The following FXR1 variants were observed in gnomAD, a reference collection of about 807,000 sequenced individuals.
The protein encoded by FXR1 is RNA-binding protein FXR1.
A neutral mutation model predicts 84.0 loss-of-function variants in FXR1; 15 were observed. The observed-to-expected ratio is 0.18, with a 90% CI of 0.12 to 0.27. The LOEUF is 0.27. Ranked by LOEUF, FXR1 falls within the 10% of genes least tolerant of loss-of-function variation. The probability of loss-of-function intolerance (pLI) is 1.00; values close to 1 mark genes in which losing one functional copy is unlikely to be tolerated. For missense variants in FXR1, 480 were observed against 774.4 expected, an observed-to-expected ratio of 0.62 and a Z score of 4.51; for synonymous variants, 245 against 250.7, an observed-to-expected ratio of 0.98 and a Z score of 0.21.
intron 10 of FXR1, among the ~76,000 whole-genome samples, chr3:180,958,227 A>G (rs1439328505): frequency 6.6e-6 from 1 of 152,044 alleles, no homozygotes. Context: ...AGAACTTGAT[A>G]CTCCAAAAGG....
chr3:180,937,686 T>G (rs1682513072), intron 3 of FXR1, among the ~76,000 whole-genome samples: 1 of 152,100 alleles, frequency 6.6e-6, no homozygotes, highest in Non-Finnish European at 1.5e-5. Context: ...TAGGATTTTG[T>G]TTTTTTGTCA....
rs1253257210 is a variant in FXR1, at chr3:180,977,280, T to C, written c.*988T>C. ...ATTTATACTTGCTCATAAATAGCAT[T>C]AAAATGTCAGTTGGCCATTTAATCA... On this transcript the variant is annotated 3_prime_UTR_variant, in exon 17 of 17. Coordinates refer to ENST00000357559, the MANE Select transcript of FXR1 (RefSeq NM_005087.4). 2 of 152,514 alleles carry C rather than the reference T, an allele frequency of 1.3e-5. No homozygotes were observed. Among genetic ancestry groups the C allele is most frequent in the Non-Finnish European group, 2.9e-5 (2 of 67,988 alleles). The allele number at this position is 152,514 out of a possible 1,614,324, so 9.4% of individuals were successfully genotyped here. A position where few individuals can be genotyped will look rare whatever the true frequency, so the allele number is the denominator to read the frequency against.
At chr3:180,941,219 CTTA>C (rs966944956) in intron 3 of FXR1, among the ~76,000 whole-genome samples, 3 of 150,550 alleles carry the variant, frequency 2.0e-5, no homozygotes, top group African/African-American at 7.3e-5. Flanking sequence ...GAGACAGGGT[CTTA>C]CTCTGTCACC....
intron 6 of FXR1, among the ~76,000 whole-genome samples, 200 bp downstream of exon 6, chr3:180,949,014 C>T (rs1047924426): frequency 3.9e-5 from 6 of 152,010 alleles, no homozygotes; most frequent in African/African-American, 7.3e-5. Flanking sequence ...TGTGAGATTC[C>T]GGATTTTTCC....
At chr3:180,961,369 G>GAAA (rs1712089183) in intron 10 of FXR1, 99 bp from the exon 11 acceptor site, 3 of 76,968 alleles carry the variant, frequency 3.9e-5, no homozygotes, top group Admixed American at 3.7e-4. Flanking sequence ...AAAAAAAAAG[G>GAAA]TGTGTGTGTG....
chr3:180,944,747 C>T (rs1036483753), intron 3 of FXR1, among the ~76,000 whole-genome samples: 2 of 152,192 alleles, frequency 1.3e-5, no homozygotes, highest in Non-Finnish European at 2.9e-5. Context: ...CCCAGGCCCC[C>T]AAGTAGCTGA....
intron 1 of FXR1, chr3:180,927,803 T>C (rs967611574): frequency 1.1e-4 from 46 of 429,280 alleles, no homozygotes; most frequent in Non-Finnish European, 1.7e-4. Flanking sequence ...AATTACATTT[T>C]TTCCTGTGAA....
chr3:180,938,969 C>A (rs1720830298), intron 3 of FXR1, among the ~76,000 whole-genome samples: 1 of 151,902 alleles, frequency 6.6e-6, no homozygotes, highest in Non-Finnish European at 1.5e-5. Context: ...AATCTCAGTT[C>A]ACTGCAACCT....
At chr3:180,925,328 C>G (rs1338109222) in intron 1 of FXR1, among the ~76,000 whole-genome samples, 2 of 151,568 alleles carry the variant, frequency 1.3e-5, no homozygotes, top group Non-Finnish European at 2.9e-5. Flanking sequence ...CCATTGCACT[C>G]CGGCCTGGGC....
chr3:180,959,784 A>G (rs1409573928), intron 10 of FXR1, among the ~76,000 whole-genome samples: 2 of 152,126 alleles, frequency 1.3e-5, no homozygotes, highest in African/African-American at 4.8e-5. Context: ...GACTTCTTCA[A>G]AGCCACTGTG....
At chr3:180,964,223 CTAT>C (rs1413509196) in intron 13 of FXR1, among the ~76,000 whole-genome samples, 3 of 152,162 alleles carry the variant, frequency 2.0e-5, no homozygotes, top group African/African-American at 7.2e-5. Context: ...AAATTGCAGA[CTAT>C]TATTATATTT....
chr3:180,943,265 C>CTT lies in FXR1; in HGVS notation c.199-4574_199-4573dup, dbSNP rs71182562. ...TACAGGTGTGAGCCACTGTGCCCGG[C>CTT]TTTTTTTTTTTTTTTTTTTTTTTTT... On this transcript the variant is annotated intron_variant, in intron 3 of 16. Coordinates refer to ENST00000357559, the MANE Select transcript of FXR1 (RefSeq NM_005087.4). 4.3e-3 allele frequency among the ~76,000 whole-genome samples: 118 copies of CTT among 27,656 alleles called. 8 individuals are homozygous for CTT. The highest frequency in any genetic ancestry group is 8.7e-3 in the South Asian group (3 of 346). 18.1% of individuals were successfully genotyped at this position (27,656 alleles called of 152,430 possible). A position where few individuals can be genotyped will look rare whatever the true frequency, so the allele number is the denominator to read the frequency against.
Position 180,948,613 on chromosome 3 carries a change from A to G in FXR1, c.420-108A>G, listed in dbSNP as rs558273644. 4.8e-5 allele frequency: 48 copies of G among 997,980 alleles called. No homozygotes were observed. The South Asian group carries it at 6.7e-4, about 14-fold the overall frequency. The allele number at this position is 997,980 out of a possible 1,614,324, so 61.8% of individuals were successfully genotyped here. A position where few individuals can be genotyped will look rare whatever the true frequency, so the allele number is the denominator to read the frequency against. ...CTGATGGAAAATCATCTTAATGAACAAAGGTTTTAGTGGGGCTTGTCAAAA... is the reference window on the plus strand; with the variant it reads ...CTGATGGAAAATCATCTTAATGAACGAAGGTTTTAGTGGGGCTTGTCAAAA... On this transcript the variant is annotated intron_variant, in intron 5 of 16. Transcript: ENST00000357559.
At position 180,961,497 on chromosome 3, in the gene FXR1, T is replaced by G. The variant is rs1712113887; in HGVS notation, c.1020T>G (p.Thr340=). ...DGMVPFVFVG[T]KESIGNVQVL... Reference sequence around the variant, plus strand: ...TGGTTCCATTTGTATTTGTTGGCACTAAAGAAAGCATTGGAAATGTGCAGG... The same window carrying G: ...TGGTTCCATTTGTATTTGTTGGCACGAAAGAAAGCATTGGAAATGTGCAGG... The change falls in exon 11 of 17, where the codon ACT becomes ACG. Residue 340 remains threonine, a synonymous_variant. Coordinates refer to ENST00000357559, the MANE Select transcript of FXR1 (RefSeq NM_005087.4). The G allele has an allele frequency of 1.3e-6, 2 of 1,564,230 alleles. No homozygotes were observed. The highest frequency in any genetic ancestry group is 1.4e-5 in the African/African-American group (1 of 73,920).
At chr3:180,962,391 C>A (rs1486067288) in intron 11 of FXR1, among the ~76,000 whole-genome samples, 2 of 152,214 alleles carry the variant, frequency 1.3e-5, no homozygotes, top group Non-Finnish European at 2.9e-5. Flanking sequence ...AGACATCTAA[C>A]CTTTGCATCC....
At chr3:180,918,165 T>G (rs904098653) in intron 1 of FXR1, among the ~76,000 whole-genome samples, 1 of 152,202 alleles carries the variant, frequency 6.6e-6, no homozygotes, top group Non-Finnish European at 1.5e-5. Context: ...TTATTTTCTA[T>G]GTCAGATATT....
intron 15 of FXR1, among the ~76,000 whole-genome samples, chr3:180,972,177 T>G (rs1414935188): frequency 1.3e-5 from 2 of 152,188 alleles, no homozygotes; most frequent in Admixed American, 6.5e-5. Context: ...GGAAATATAT[T>G]TTAGGGCTGG....
rs3026201 is a variant in FXR1 at position 180,972,940 on chromosome 3, C to T, written c.1604-2373C>T. Among the ~76,000 whole-genome samples, 967 of 152,272 alleles carry T rather than the reference C, an allele frequency of 6.4e-3. 10 individuals carry two copies. Among genetic ancestry groups the T allele is most frequent in the Non-Finnish European group, 9.0e-3 (610 of 68,012 alleles). The stretch of plus-strand genomic sequence containing the variant: ...TAATATCAATATTCTGTTTAAAACA[C>T]TCATTTAATTTGATCTCATCTGCTC... On this transcript the variant is annotated intron_variant, in intron 15 of 16. Coordinates refer to ENST00000357559, the MANE Select transcript of FXR1 (RefSeq NM_005087.4).
At chr3:180,924,123 T>C (rs1323485037) in intron 1 of FXR1, among the ~76,000 whole-genome samples, 5 of 152,150 alleles carry the variant, frequency 3.3e-5, no homozygotes, top group African/African-American at 9.7e-5. Flanking sequence ...CATGCCGAGC[T>C]AATTTTTGCA....
Sources: gnomAD v4.1 joint callset for allele counts (sites outside exome capture counted in the v4.1 genomes callset) on GRCh38, gnomAD v4.1.1 for gene constraint, MANE v1.5 for transcripts, NCBI Gene and HGNC (gene_info 2026-07-23, HGNC 2026-07-21) for gene names.